KAT6B: variants seen among roughly 807,000 people sequenced by gnomAD.
KAT6B encodes the protein lysine acetyltransferase 6B.
Under a neutral mutation model 187.5 loss-of-function variants are expected in KAT6B, and 10 were observed. The ratio of observed to expected loss-of-function variants is 0.05; its 90% confidence interval spans 0.03 to 0.09. The LOEUF (loss-of-function observed/expected upper bound fraction) is 0.09, where lower values mean the gene tolerates loss of function less well. Ranked by LOEUF, KAT6B falls within the 10% of genes least tolerant of loss-of-function variation. The pLI, the probability that KAT6B is intolerant of heterozygous loss-of-function variation, is 1.00. For synonymous variants in KAT6B, 861 were observed against 926.8 expected, an observed-to-expected ratio of 0.93 and a Z score of 1.29; for missense variants, 1,952 against 2,558.9, an observed-to-expected ratio of 0.76 and a Z score of 5.12.
At position 74,942,765 on chromosome 10, in the gene KAT6B, C is replaced by CAAAAAAAAAAAAAAAA. The variant is rs56276008; in HGVS notation, c.622-17193_622-17178dup. Among the ~76,000 whole-genome samples the CAAAAAAAAAAAAAAAA allele has an allele frequency of 2.1e-4, 2 of 9,364 alleles. 1 individual carries two copies. Among genetic ancestry groups the CAAAAAAAAAAAAAAAA allele is most frequent in the African/African-American group, 4.9e-4 (2 of 4,092 alleles). The allele number at this position is 9,364 out of a possible 152,430, so 6.1% of individuals were successfully genotyped here. A position where few individuals can be genotyped will look rare whatever the true frequency, so the allele number is the denominator to read the frequency against. ...AGGCAACAAGAGCGAAACTCCATCG[C>CAAAAAAAAAAAAAAAA]AAAAAAAAAAAAAAAAAAAAAAAAA... On this transcript the variant is annotated intron_variant, in intron 3 of 17. Coordinates refer to ENST00000287239, the MANE Select transcript of KAT6B (RefSeq NM_012330.4).
At chr10:74,834,612 G>A (rs1841141726) in intron 1 of KAT6B, among the ~76,000 whole-genome samples, 1 of 152,118 alleles carries the variant, frequency 6.6e-6, no homozygotes, top group Non-Finnish European at 1.5e-5. Context: ...TCAACCTCCT[G>A]GGCGGCTCAA....
chr10:74,975,792 A>G lies in KAT6B; in HGVS notation c.1455A>G (p.Gln485=). ...ATGTGTTGGCTACAGGTACCACACAAAAGCTAAAACCTCCACCTTCTTCAC... is the reference window on the plus strand; with the variant it reads ...ATGTGTTGGCTACAGGTACCACACAGAAGCTAAAACCTCCACCTTCTTCAC... The part of the protein sequence containing the change: ...TSHVLATGTT[Q]KLKPPPSSLP... The change falls in exon 8 of 18, where the codon CAA becomes CAG. Residue 485 remains glutamine (Q), a synonymous_variant. Coordinates refer to ENST00000287239, the MANE Select transcript of KAT6B (RefSeq NM_012330.4). 3 of 1,614,210 alleles carry G rather than the reference A, an allele frequency of 1.9e-6. No individual in the cohort carries two copies. Among genetic ancestry groups the G allele is most frequent in the Non-Finnish European group, 2.5e-6 (3 of 1,180,036 alleles).
Position 75,028,493 on chromosome 10 carries a change from T to C in KAT6B, c.3669T>C (p.Asn1223=). The C allele has an allele frequency of 6.2e-7, 1 of 1,614,114 alleles. No homozygotes were observed. The highest frequency in any genetic ancestry group is 8.5e-7 in the Non-Finnish European group (1 of 1,180,022). ...CGTTTTTGTCTCTTCACTAAGACAA[T>C]ATGAATGATGATTCAAGTAACTTGA... ...CFKNADPCRN[N]MNDDSSNLKE... The change falls in exon 18 of 18, where the codon AAT becomes AAC. Residue 1223 remains asparagine (N), a synonymous_variant. Transcript: ENST00000287239.
intron 3 of KAT6B, among the ~76,000 whole-genome samples, chr10:74,870,735 C>T (rs1407618108): frequency 2.0e-5 from 3 of 152,076 alleles, no homozygotes; most frequent in African/African-American, 4.8e-5. Context: ...TGCGCCACCA[C>T]GCCCAGCTAA....
At position 75,025,377 on chromosome 10, in the gene KAT6B, G is replaced by A. The variant is rs1008081149; in HGVS notation, c.3664+128G>A. On this transcript the variant is annotated intron_variant, in intron 17 of 17. Coordinates refer to ENST00000287239, the MANE Select transcript of KAT6B (RefSeq NM_012330.4). ...TGGTGCTGATGCACCTGGAGCAAGT[G>A]CCCATCTGCCCTTTCCCATCCTTAC... The A allele has an allele frequency of 3.5e-6, 3 of 849,672 alleles. No homozygotes were observed. In the African/African-American group the frequency reaches 5.1e-5, roughly 14 times the overall value. The allele number at this position is 849,672 out of a possible 1,614,324, so 52.6% of individuals were successfully genotyped here. A position where few individuals can be genotyped will look rare whatever the true frequency, so the allele number is the denominator to read the frequency against.
Position 74,975,514 on chromosome 10 carries a change from A to G in KAT6B, c.1177A>G (p.Lys393Glu). The G allele has an allele frequency of 6.2e-7, 1 of 1,614,076 alleles. No homozygotes were observed. Among genetic ancestry groups the G allele is most frequent in the Non-Finnish European group, 8.5e-7 (1 of 1,180,004 alleles). The change falls in exon 8 of 18, where the codon AAG (lysine) becomes GAG (glutamate). Residue 393 changes from lysine to glutamate, a missense_variant. Physicochemically the swap from Lys to Glu is moderately conservative, Grantham distance 56. Around this residue, in one of 9 missense-constraint regions of KAT6B, gnomAD observed 417 missense variants for 508.9 expected, o/e 0.82. Coordinates refer to ENST00000287239, the MANE Select transcript of KAT6B (RefSeq NM_012330.4). ...TTCATCTGGTCATGCTGCATCTGGG[A>G]AGGACTCAAGCAGCAGATTGGCTGT... ...TPSSGHAASG[K>E]DSSSRLAVTD...
chr10:74,891,801 T>C (rs1191911813), intron 3 of KAT6B, among the ~76,000 whole-genome samples: 1 of 152,222 alleles, frequency 6.6e-6, no homozygotes, highest in Non-Finnish European at 1.5e-5. Context: ...ACTGGCAGAA[T>C]TAACATTGTT....
chr10:74,844,261 C>T (rs1394498163), intron 3 of KAT6B, among the ~76,000 whole-genome samples: 1 of 151,880 alleles, frequency 6.6e-6, no homozygotes, highest in Non-Finnish European at 1.5e-5. Context: ...TGCAGTGGCA[C>T]AATCTCGGCT....
rs1847209597 is a variant in KAT6B at position 74,911,626 on chromosome 10, G to T, written c.622-48344G>T. Among the ~76,000 whole-genome samples, 3 of 151,806 alleles carry T rather than the reference G, an allele frequency of 2.0e-5. No individual in the cohort carries two copies. In the South Asian group the frequency reaches 6.2e-4, roughly 32 times the overall value. ...CATGTTTATTGAAAGCATGTTGTTG[G>T]TTTCTTTTGATGCCTCCCCTGTCTT... is the stretch of plus-strand genomic sequence containing the variant. On this transcript the variant is annotated intron_variant, in intron 3 of 17. Coordinates refer to ENST00000287239, the MANE Select transcript of KAT6B (RefSeq NM_012330.4).
chr10:75,025,236 T>G lies in KAT6B; in HGVS notation c.3651T>G (p.Ala1217=). The G allele has an allele frequency of 1.2e-6, 2 of 1,614,190 alleles. No homozygotes were observed. The highest frequency in any genetic ancestry group is 1.7e-6 in the Non-Finnish European group (2 of 1,180,020). ...EGKDNHCFKN[A]DPCRNNMNDD... ...AAGACAATCATTGCTTCAAGAATGC[T>G]GACCCTTGTAGAAGTAAGTAGAGGA... Residue 1217 remains alanine, a synonymous_variant, in exon 17 of 18, where the codon GCT becomes GCG. Coordinates refer to ENST00000287239, the MANE Select transcript of KAT6B (RefSeq NM_012330.4).
At chr10:74,939,836 G>GT (rs1015686703) in intron 3 of KAT6B, among the ~76,000 whole-genome samples, 5 of 152,222 alleles carry the variant, frequency 3.3e-5, no homozygotes, top group Non-Finnish European at 7.3e-5. Context: ...TAAAATGCCT[G>GT]TTTCCGTTAC....
intron 3 of KAT6B, among the ~76,000 whole-genome samples, chr10:74,872,859 T>C (rs1320026537): frequency 6.6e-6 from 1 of 152,062 alleles, no homozygotes; most frequent in East Asian, 1.9e-4. Context: ...AACTAAATGG[T>C]CCTAGGTTGG....
At chr10:74,944,722 T>A (rs922212333) in intron 3 of KAT6B, among the ~76,000 whole-genome samples, 1 of 136,824 alleles carries the variant, frequency 7.3e-6, no homozygotes, top group African/African-American at 2.8e-5. Flanking sequence ...GGCAGGAGAA[T>A]GGCGTGAGCC....
At chr10:75,015,625 C>G (rs1372384844) in intron 13 of KAT6B, among the ~76,000 whole-genome samples, 1 of 152,224 alleles carries the variant, frequency 6.6e-6, no homozygotes, top group Non-Finnish European at 1.5e-5. Flanking sequence ...CATCAGATTT[C>G]CTGTGCTCAA....
chr10:75,008,999 A>G (rs932157421), intron 13 of KAT6B, among the ~76,000 whole-genome samples: 4 of 152,184 alleles, frequency 2.6e-5, no homozygotes, highest in Non-Finnish European at 5.9e-5. Context: ...AGTTTGTTTC[A>G]GTTCTCAAGC....
intron 3 of KAT6B, among the ~76,000 whole-genome samples, chr10:74,864,481 GTATAAAAAAGCCTGTA>G (rs1843416647): frequency 6.6e-6 from 1 of 151,878 alleles, no homozygotes; most frequent in Non-Finnish European, 1.5e-5. Flanking sequence ...CCTCAAGTCT[GTATAAAAAAGCCTGTA>G]TATGTTCTGT....
chr10:74,918,490 A>C (rs1295851753), intron 3 of KAT6B, among the ~76,000 whole-genome samples: 2 of 152,142 alleles, frequency 1.3e-5, no homozygotes, highest in African/African-American at 4.8e-5. Flanking sequence ...GCCTGTAATC[A>C]CAGCACTTTG....
intron 12 of KAT6B, among the ~76,000 whole-genome samples, chr10:74,988,617 T>C (rs1361992117): frequency 6.6e-6 from 1 of 152,214 alleles, no homozygotes; most frequent in African/African-American, 2.4e-5. Flanking sequence ...TAGATTATTA[T>C]TATATTTAGC....
intron 3 of KAT6B, among the ~76,000 whole-genome samples, chr10:74,919,379 A>G (rs1295701208): frequency 6.6e-6 from 1 of 151,830 alleles, no homozygotes; most frequent in Non-Finnish European, 1.5e-5. Flanking sequence ...TTCTTCACAT[A>G]CTGTTTGTGC....
Sources: allele counts gnomAD v4.1 joint callset (sites outside exome capture counted in the v4.1 genomes callset), GRCh38; gene constraint gnomAD v4.1.1; regional missense constraint gnomAD v4.1.1; transcripts MANE v1.5; gene names NCBI Gene and HGNC (gene_info 2026-07-23, HGNC 2026-07-21).